The following ZNF730 variants were observed in gnomAD, a reference collection of about 807,000 sequenced individuals.
ZNF730 encodes putative zinc finger protein 730.
In ZNF730, 12 loss-of-function variants were observed where a neutral mutation model predicts 12.6. The observed-to-expected ratio is 0.95, with a 90% CI of 0.61 to 1.54. The LOEUF (loss-of-function observed/expected upper bound fraction) is 1.54. Ranked by LOEUF, ZNF730 falls within the 40% of genes most tolerant of loss-of-function variation. The pLI, the probability that ZNF730 is intolerant of heterozygous loss-of-function variation, is 0.00. For synonymous variants in ZNF730, 194 were observed against 195.8 expected (o/e 0.99, Z 0.08); for missense variants, 643 against 583.5 (o/e 1.10, Z -1.05).
At chr19:23,103,826 C>T (rs575762579) in intron 1 of ZNF730, among the ~76,000 whole-genome samples, 48 of 152,062 alleles carry the variant, frequency 3.2e-4, no homozygotes, top group Non-Finnish European at 5.3e-4. Context: ...ACAGAGATAG[C>T]CAAACTTCTT....
rs757465707 is a variant in ZNF730, at chr19:23,134,039, G to C, written c.4-41G>C. The C allele has an allele frequency of 3.1e-6, 5 of 1,609,192 alleles. No individual in the cohort carries two copies. In the East Asian group the frequency reaches 1.1e-4, roughly 36 times the overall value. ...TGAGTGAAACTTAAAATTCTGCCCA[G>C]GGGCACTTGGTAAATATGTGTGTTT... is the stretch of plus-strand genomic sequence containing the variant. On this transcript the variant is annotated intron_variant, in intron 1 of 3. Transcript: ENST00000597761.
At chr19:23,127,442 G>T in intron 1 of ZNF730, 1 of 1,088,104 alleles carries the variant, frequency 9.2e-7, no homozygotes, top group Non-Finnish European at 1.4e-6. Flanking sequence ...TTCTTCCTTT[G>T]TCATTGACCC....
At chr19:23,115,316 CATGT>C (rs1256986616), upstream of ZNF730, among the ~76,000 whole-genome samples, 3 of 152,096 alleles carry the variant, frequency 2.0e-5, no homozygotes, top group African/African-American at 7.2e-5. Flanking sequence ...CAAGTTTCTT[CATGT>C]GAAAGAGTTG....
chr19:23,085,019 G>T (rs1201731635), intron 1 of ZNF730, among the ~76,000 whole-genome samples: 1 of 151,896 alleles, frequency 6.6e-6, no homozygotes, highest in African/African-American at 2.4e-5. Context: ...CTGTCTTTAG[G>T]TCTTTAAAAA....
At chr19:23,115,940 A>C (rs1309529640), upstream of ZNF730, among the ~76,000 whole-genome samples, 2 of 152,238 alleles carry the variant, frequency 1.3e-5, no homozygotes, top group Non-Finnish European at 2.9e-5. Flanking sequence ...GTTACCTTCT[A>C]ACAGTGGGCT....
chr19:23,082,295 C>G (rs1202402451), intron 1 of ZNF730, among the ~76,000 whole-genome samples: 1 of 151,932 alleles, frequency 6.6e-6, no homozygotes, highest in African/African-American at 2.4e-5. Flanking sequence ...CTGTGTATGA[C>G]ATTTCACTTA....
chr19:23,130,108 C>G (rs949021550), intron 1 of ZNF730, among the ~76,000 whole-genome samples: 3 of 151,900 alleles, frequency 2.0e-5, no homozygotes, highest in African/African-American at 7.3e-5. Context: ...TTTGCTGTGT[C>G]CCCACCCAAA....
upstream of ZNF730, among the ~76,000 whole-genome samples, chr19:23,115,138 A>G: frequency 4.3e-3 from 1 of 230 alleles, no homozygotes; most frequent in South Asian, 0.5. Flanking sequence ...CACAAATCTA[A>G]AAAAAAAAAA....
intron 1 of ZNF730, among the ~76,000 whole-genome samples, chr19:23,119,893 A>T (rs1173884656): frequency 6.6e-6 from 1 of 151,964 alleles, no homozygotes; most frequent in Non-Finnish European, 1.5e-5. Context: ...CTTCTTCTCA[A>T]TTTTTTAAAA....
At chr19:23,135,905 T>C (rs1216629334) in intron 2 of ZNF730, 43 bp from the exon 3 acceptor site, 2 of 1,533,668 alleles carry the variant, frequency 1.3e-6, no homozygotes, top group Non-Finnish European at 1.8e-6. Flanking sequence ...AAGTTGGTAA[T>C]TGGAGAATAT....
At chr19:23,107,482 C>T (rs1045114203) in intron 1 of ZNF730, among the ~76,000 whole-genome samples, 9 of 90,028 alleles carry the variant, frequency 1.0e-4, no homozygotes, top group Non-Finnish European at 1.6e-4. Context: ...AAAACCACCA[C>T]AGCTCTGTTT....
chr19:23,081,559 A>G (rs1190288613), intron 1 of ZNF730, among the ~76,000 whole-genome samples: 64 of 152,078 alleles, frequency 4.2e-4, no homozygotes, highest in South Asian at 6.2e-4. Flanking sequence ...ACCCCAGGTG[A>G]TCCACCCGCC....
At chr19:23,136,209 A>G in intron 3 of ZNF730, 166 bp downstream of exon 3, 1 of 415,418 alleles carries the variant, frequency 2.4e-6, no homozygotes, top group Non-Finnish European at 3.8e-6. Flanking sequence ...CCTCTCACAT[A>G]GAAGCATCTT....
chr19:23,125,413 G>A (rs988041727), intron 1 of ZNF730, among the ~76,000 whole-genome samples: 3 of 152,178 alleles, frequency 2.0e-5, no homozygotes, highest in African/African-American at 7.2e-5. Context: ...CTGTGACCAA[G>A]ATGCTGATAA....
rs1832099859 is a variant in ZNF730, at chr19:23,134,083, G to A, written c.7G>A (p.Ala3Thr). 1 of 1,613,148 alleles carries A rather than the reference G, an allele frequency of 6.2e-7. No individual in the cohort carries two copies. The highest frequency in any genetic ancestry group is 8.5e-7 in the Non-Finnish European group (1 of 1,179,586). Residue 3 changes from alanine to threonine, a missense_variant, in exon 2 of 4, where the codon GCG becomes ACG. Ala to Thr is a moderately conservative substitution (Grantham distance 58, BLOSUM62 0). Coordinates refer to ENST00000597761, the MANE Select transcript of ZNF730 (RefSeq NM_001277403.2). ...TGTGTTTGTTTGTGTTTTTCAGGGA[G>A]CGTTGACATTTAGAGATGTGGCCAT... MG[A>T]LTFRDVAIEF... is the part of the protein sequence containing the mutation.
At chr19:23,124,251 TC>T (rs1447766885) in intron 1 of ZNF730, among the ~76,000 whole-genome samples, 3 of 152,190 alleles carry the variant, frequency 2.0e-5, no homozygotes, top group African/African-American at 7.2e-5. Flanking sequence ...TGTTCTACAT[TC>T]TGTGAGAGGT....
rs1323387417 is a variant in ZNF730, at chr19:23,138,239, C to T, written c.226+2196C>T. 1.3e-4 allele frequency among the ~76,000 whole-genome samples: 2 copies of T among 14,972 alleles called. 1 individual carries two copies. The highest frequency in any genetic ancestry group is 2.4e-4 in the African/African-American group (2 of 8,202). 9.8% of individuals were successfully genotyped at this position (14,972 alleles called of 152,430 possible). On this transcript the variant is annotated intron_variant, in intron 3 of 3. Transcript: ENST00000597761. ...CGGAGCTTGCAGTGAGCCGAGATCC[C>T]GCCACTGCACTCCAGCCTGGGCGAC...
intron 1 of ZNF730, among the ~76,000 whole-genome samples, chr19:23,080,488 C>T (rs908993032): frequency 6.6e-6 from 1 of 151,742 alleles, no homozygotes; most frequent in Admixed American, 6.6e-5. Context: ...TGATTCTCTA[C>T]CTCAGCCTTC....
At chr19:23,095,429 C>T in intron 1 of ZNF730, 1 of 398,616 alleles carries the variant, frequency 2.5e-6, no homozygotes, top group Non-Finnish European at 4.4e-6. Flanking sequence ...TATCCCTGAA[C>T]CCATCACACA....
Sources: allele counts gnomAD v4.1 joint callset (sites outside exome capture counted in the v4.1 genomes callset), GRCh38; gene constraint gnomAD v4.1.1; transcripts MANE v1.5; gene names NCBI Gene and HGNC (gene_info 2026-07-23, HGNC 2026-07-21).